Variants in BICD1 observed in about 807,000 individuals in gnomAD.
The protein encoded by BICD1 is protein bicaudal D homolog 1.
A neutral mutation model predicts 92.5 loss-of-function variants in BICD1; 35 were observed. That is an observed-to-expected ratio of 0.38 (90% CI 0.29 to 0.50). The LOEUF is 0.50. Among genes scored for constraint, BICD1 ranks in the 20% least tolerant of loss-of-function variants. The pLI is 0.93. For missense variants in BICD1, 950 were observed against 1,189.8 expected (o/e 0.80, Z 2.97); for synonymous variants, 429 against 465.1 (o/e 0.92, Z 1.00).
intron 1 of BICD1, among the ~76,000 whole-genome samples, chr12:32,204,922 G>C (rs1030850616): frequency 1.3e-5 from 2 of 152,198 alleles, no homozygotes; most frequent in African/African-American, 4.8e-5. Context: ...ATTATGCGAA[G>C]CTGGATTTTC....
At chr12:32,161,819 T>G (rs1402924477) in intron 1 of BICD1, among the ~76,000 whole-genome samples, 1 of 152,258 alleles carries the variant, frequency 6.6e-6, no homozygotes, top group Non-Finnish European at 1.5e-5. Context: ...GTCTATCACC[T>G]GGCATAGAAG....
intron 4 of BICD1, among the ~76,000 whole-genome samples, chr12:32,324,315 A>G (rs1461155097): frequency 2.0e-5 from 3 of 147,598 alleles, no homozygotes; most frequent in African/African-American, 7.5e-5. Context: ...AAATCACACC[A>G]CTGCACTTCA....
intron 3 of BICD1, among the ~76,000 whole-genome samples, chr12:32,304,368 T>C (rs1948153384): frequency 6.6e-6 from 1 of 152,244 alleles, no homozygotes; most frequent in South Asian, 2.1e-4. Flanking sequence ...TAGCATCTAA[T>C]ATCATGATGA....
At chr12:32,211,586 G>A (rs950680702) in intron 1 of BICD1, among the ~76,000 whole-genome samples, 4 of 151,414 alleles carry the variant, frequency 2.6e-5, no homozygotes, top group African/African-American at 7.3e-5. Context: ...TGTGTGCTGC[G>A]AAAAATACGA....
intron 2 of BICD1, among the ~76,000 whole-genome samples, chr12:32,250,719 G>A (rs1485909103): frequency 1.3e-5 from 2 of 152,170 alleles, no homozygotes; most frequent in African/African-American, 4.8e-5. Flanking sequence ...AGTGGCTCAT[G>A]CCTGTAATCC....
intron 1 of BICD1, among the ~76,000 whole-genome samples, chr12:32,209,236 A>G (rs1360777728): frequency 6.6e-6 from 1 of 152,240 alleles, no homozygotes; most frequent in Non-Finnish European, 1.5e-5. Context: ...CATTTAAAAC[A>G]AACAGTAATT....
chr12:32,125,676 G>C (rs916106725), intron 1 of BICD1, among the ~76,000 whole-genome samples: 2 of 152,106 alleles, frequency 1.3e-5, no homozygotes, highest in African/African-American at 4.8e-5. Flanking sequence ...CCCTTAAATG[G>C]AATGAATGAG....
At chr12:32,182,273 TC>T (rs945203321) in intron 1 of BICD1, among the ~76,000 whole-genome samples, 3 of 122,322 alleles carry the variant, frequency 2.5e-5, no homozygotes, top group Non-Finnish European at 3.4e-5. Flanking sequence ...TTTCTTTCTT[TC>T]TTTCTTTTTT....
chr12:32,195,934 A>G (rs7312331), intron 1 of BICD1, among the ~76,000 whole-genome samples: 55,152 of 152,044 alleles, frequency 0.36, 10,635 homozygotes, highest in Admixed American at 0.49. Context: ...AGGATTTCAC[A>G]TAACTCATTA....
chr12:32,167,294 A>G (rs371714991), intron 1 of BICD1, among the ~76,000 whole-genome samples: 7 of 152,230 alleles, frequency 4.6e-5, no homozygotes, highest in Admixed American at 3.9e-4. Context: ...TTGCTTATCA[A>G]TATTCTGAGA....
At chr12:32,164,527 T>G (rs1943697181) in intron 1 of BICD1, among the ~76,000 whole-genome samples, 1 of 152,222 alleles carries the variant, frequency 6.6e-6, no homozygotes, top group South Asian at 2.1e-4. Context: ...ACTGCAAAAT[T>G]TCCACTGCAT....
At chr12:32,375,586 G>A (rs1297686385) in intron 9 of BICD1, among the ~76,000 whole-genome samples, 3 of 152,120 alleles carry the variant, frequency 2.0e-5, no homozygotes, top group African/African-American at 7.2e-5. Flanking sequence ...TGAAGGTCCA[G>A]TTCTCCCATG....
intron 1 of BICD1, among the ~76,000 whole-genome samples, chr12:32,140,310 C>G (rs1456469647): frequency 6.6e-6 from 1 of 152,188 alleles, no homozygotes; most frequent in Non-Finnish European, 1.5e-5. Flanking sequence ...ATGTTCAAAA[C>G]AATGCTAAAT....
chr12:32,366,080 A>G (rs2136329098), intron 8 of BICD1, among the ~76,000 whole-genome samples: 1 of 152,326 alleles, frequency 6.6e-6, no homozygotes. Flanking sequence ...AGTGAACAAA[A>G]ATCAAGCCTG....
intron 1 of BICD1, among the ~76,000 whole-genome samples, chr12:32,175,525 CA>C: frequency 6.6e-6 from 1 of 152,224 alleles, no homozygotes; most frequent in Non-Finnish European, 1.5e-5. Context: ...CCATGTTGGC[CA>C]GGCTGCTGTC....
At chr12:32,110,598 T>C (rs796836314) in intron 1 of BICD1, among the ~76,000 whole-genome samples, 3 of 152,282 alleles carry the variant, frequency 2.0e-5, no homozygotes, top group Admixed American at 1.3e-4. Flanking sequence ...CCTGGCTGAT[T>C]ATATGTTTGG....
chr12:32,370,041 T>C (rs1341118912), intron 9 of BICD1, among the ~76,000 whole-genome samples: 18 of 152,152 alleles, frequency 1.2e-4, no homozygotes. Flanking sequence ...TTTTCGCTAA[T>C]GCCATTTTAC....
intron 2 of BICD1, among the ~76,000 whole-genome samples, chr12:32,264,911 G>C (rs1946950186): frequency 6.6e-6 from 1 of 152,130 alleles, no homozygotes; most frequent in South Asian, 2.1e-4. Flanking sequence ...GCTGCATTTT[G>C]CGTGATGTTT....
chr12:32,357,787 A>T (rs1312572408), intron 8 of BICD1, among the ~76,000 whole-genome samples: 3 of 152,200 alleles, frequency 2.0e-5, no homozygotes, highest in Middle Eastern at 3.4e-3. Flanking sequence ...CACCAATCAG[A>T]TTGGATTAGG....
Sources: gnomAD v4.1 joint callset for allele counts (sites outside exome capture counted in the v4.1 genomes callset) on GRCh38, gnomAD v4.1.1 for gene constraint, MANE v1.5 for transcripts, NCBI Gene and HGNC (gene_info 2026-07-23, HGNC 2026-07-21) for gene names.